Variants in SH3GL3 observed in about 807,000 individuals in gnomAD.
SH3GL3 encodes SH3 domain containing GRB2 like 3, endophilin A3.
Under a neutral mutation model 47.7 loss-of-function variants are expected in SH3GL3, and 33 were observed. That is an observed-to-expected ratio of 0.69 (90% CI 0.52 to 0.92). The LOEUF (loss-of-function observed/expected upper bound fraction) is 0.92, where lower values mean the gene tolerates loss of function less well. SH3GL3 is among the 40% of genes least tolerant of loss of function. The pLI, the probability that SH3GL3 is intolerant of heterozygous loss-of-function variation, is 0.00. For missense variants in SH3GL3, 363 were observed against 417.8 expected (o/e 0.87, Z 1.14); for synonymous variants, 155 against 148.8 (o/e 1.04, Z -0.30).
intron 1 of SH3GL3, among the ~76,000 whole-genome samples, chr15:83,449,021 T>A (rs576028601): frequency 2.0e-5 from 3 of 152,178 alleles, no homozygotes; most frequent in Non-Finnish European, 4.4e-5. Context: ...GTGAGGCTGG[T>A]ACTGGAGCTA....
Position 83,572,463 on chromosome 15 carries a change from C to A in SH3GL3, c.332-102C>A. 4.1e-6 allele frequency: 4 copies of A among 979,162 alleles called. No homozygotes were observed. The South Asian group carries it at 6.7e-5, about 16-fold the overall frequency. The allele number at this position is 979,162 out of a possible 1,614,324, so 60.7% of individuals were successfully genotyped here. A position where few individuals can be genotyped will look rare whatever the true frequency, so the allele number is the denominator to read the frequency against. On this transcript the variant is annotated intron_variant, in intron 4 of 8. Coordinates refer to ENST00000427482, the MANE Select transcript of SH3GL3 (RefSeq NM_003027.5). ...AGGTCCCGGAGCAAGGACCTTGCTA[C>A]ACCATCATCCACACACTTTTGGTAA... is the stretch of plus-strand genomic sequence containing the variant.
intron 1 of SH3GL3, among the ~76,000 whole-genome samples, chr15:83,502,250 A>G (rs1272080055): frequency 6.6e-6 from 1 of 152,238 alleles, no homozygotes; most frequent in East Asian, 1.9e-4. Flanking sequence ...GCGGATCAGC[A>G]TCCCAGAGCC....
Position 83,526,217 on chromosome 15 carries a change from G to A in SH3GL3, c.46-33036G>A, listed in dbSNP as rs55921752. Reference sequence around the variant, plus strand: ...GGAGAAAAAGGAACACTTATATACTGTTGGTGGAATTAGTTCAATCATTGT... The same window carrying A: ...GGAGAAAAAGGAACACTTATATACTATTGGTGGAATTAGTTCAATCATTGT... On this transcript the variant is annotated intron_variant, in intron 1 of 8. Coordinates refer to ENST00000427482, the MANE Select transcript of SH3GL3 (RefSeq NM_003027.5). 3.3e-3 allele frequency among the ~76,000 whole-genome samples: 496 copies of A among 152,296 alleles called. 5 individuals carry two copies. The highest frequency in any genetic ancestry group is 0.011 in the African/African-American group (476 of 41,562).
At chr15:83,503,835 G>A (rs2042383738) in intron 1 of SH3GL3, among the ~76,000 whole-genome samples, 2 of 152,216 alleles carry the variant, frequency 1.3e-5, no homozygotes, top group Admixed American at 6.5e-5. Flanking sequence ...GCATCGCCAA[G>A]TTATGTTCCA....
At chr15:83,546,974 G>T (rs1391263614) in intron 1 of SH3GL3, among the ~76,000 whole-genome samples, 2 of 152,120 alleles carry the variant, frequency 1.3e-5, no homozygotes, top group African/African-American at 2.4e-5. Flanking sequence ...ACTGTGAGCC[G>T]CATTGCCTGG....
intron 1 of SH3GL3, among the ~76,000 whole-genome samples, chr15:83,497,710 C>T (rs796958861): frequency 1.3e-5 from 2 of 152,302 alleles, no homozygotes; most frequent in African/African-American, 4.8e-5. Flanking sequence ...TTCCTGATCA[C>T]GTATCACTGT....
At chr15:83,591,145 C>T (rs988496857) in intron 8 of SH3GL3, among the ~76,000 whole-genome samples, 7 of 152,014 alleles carry the variant, frequency 4.6e-5, no homozygotes, top group Non-Finnish European at 8.8e-5. Flanking sequence ...GTAGCTGGGA[C>T]TACAGACACA....
chr15:83,466,413 A>AATATATATATATATATAT (rs58728071), intron 1 of SH3GL3, among the ~76,000 whole-genome samples: 2 of 149,630 alleles, frequency 1.3e-5, no homozygotes, highest in African/African-American at 4.9e-5. Flanking sequence ...CAATTGTTAG[A>AATATATATATATATATAT]ATATATATAT....
At position 83,612,368 on chromosome 15, in the gene SH3GL3, G is replaced by GT. The variant is rs528980761; in HGVS notation, c.839-5713dup. Among the ~76,000 whole-genome samples the GT allele has an allele frequency of 5.8e-3, 877 of 152,348 alleles. 5 individuals are homozygous for GT. The highest frequency in any genetic ancestry group is 0.02 in the African/African-American group (840 of 41,572). ...TGGGCCAGGATCTGTGCTGACATCTGTGGCTTAGGCCTCCCTCTCTGGGTT... is the reference window on the plus strand; with the variant it reads ...TGGGCCAGGATCTGTGCTGACATCTGTTGGCTTAGGCCTCCCTCTCTGGGTT... On this transcript the variant is annotated intron_variant, in intron 8 of 8. Coordinates refer to ENST00000427482, the MANE Select transcript of SH3GL3 (RefSeq NM_003027.5).
At position 83,618,153 on chromosome 15, in the gene SH3GL3, T is replaced by G. The variant is rs780546979; in HGVS notation, c.910T>G (p.Leu304Val). 1.2e-6 allele frequency: 2 copies of G among 1,613,298 alleles called. No individual in the cohort carries two copies. The highest frequency in any genetic ancestry group is 1.7e-6 in the Non-Finnish European group (2 of 1,179,254). Residue 304 changes from leucine (L) to valine (V), a missense_variant, in exon 9 of 9, where the codon TTA (leucine) becomes GTA (valine). Transcript: ENST00000427482. ...CTTTGAGCCAGAAAACCAAGGAGAATTAGGATTTAAAGAAGGGGACATCAT... is the reference window on the plus strand; with the variant it reads ...CTTTGAGCCAGAAAACCAAGGAGAAGTAGGATTTAAAGAAGGGGACATCAT... Reference protein sequence around the residue: ...YDFEPENQGELGFKEGDIITL... With the variant: ...YDFEPENQGEVGFKEGDIITL...
intron 1 of SH3GL3, among the ~76,000 whole-genome samples, chr15:83,554,210 G>A (rs1355450662): frequency 2.6e-5 from 4 of 151,012 alleles, no homozygotes; most frequent in Admixed American, 6.6e-5. Flanking sequence ...TTTTTGAGAC[G>A]GAATTTCACT....
intron 1 of SH3GL3, among the ~76,000 whole-genome samples, chr15:83,471,211 T>G (rs1413092756): frequency 6.6e-6 from 1 of 152,240 alleles, no homozygotes; most frequent in African/African-American, 2.4e-5. Flanking sequence ...TTCCTTCATC[T>G]GAGGATATCT....
chr15:83,490,973 C>T, intron 1 of SH3GL3: 6 of 1,607,932 alleles, frequency 3.7e-6, no homozygotes, highest in East Asian at 4.5e-5. Flanking sequence ...CCATTCTCAT[C>T]AGCACAGAAG....
intron 1 of SH3GL3, among the ~76,000 whole-genome samples, chr15:83,463,600 G>A (rs907458412): frequency 2.0e-5 from 3 of 151,952 alleles, no homozygotes; most frequent in African/African-American, 7.3e-5. Context: ...TTTCTCTGAT[G>A]TCTTTTTTAG....
intron 1 of SH3GL3, among the ~76,000 whole-genome samples, chr15:83,465,085 G>A (rs1469624480): frequency 1.1e-4 from 16 of 151,306 alleles, no homozygotes; most frequent in Admixed American, 6.6e-4. Context: ...CAAGGAGGGC[G>A]AATCACCTGA....
chr15:83,461,741 C>T (rs919809516), intron 1 of SH3GL3, among the ~76,000 whole-genome samples: 4 of 152,070 alleles, frequency 2.6e-5, no homozygotes, highest in South Asian at 2.1e-4. Context: ...GTAGGTACTT[C>T]GGATACAATC....
At chr15:83,627,860 G>T in the SH3GL3 span, among the ~76,000 whole-genome samples, 1 of 152,142 alleles carries the variant, frequency 6.6e-6, no homozygotes, top group African/African-American at 2.4e-5. Flanking sequence ...ACAAACTGAG[G>T]CATAAAACAA....
chr15:83,509,253 C>A (rs1263017367), intron 1 of SH3GL3, among the ~76,000 whole-genome samples: 1 of 152,136 alleles, frequency 6.6e-6, no homozygotes, highest in Non-Finnish European at 1.5e-5. Flanking sequence ...GCAGGCATGC[C>A]CTGCCTCATC....
In SH3GL3 at chr15:83,461,008, G is replaced by A. The variant is rs374732847; in HGVS notation, c.45+13430G>A. On this transcript the variant is annotated intron_variant, in intron 1 of 8. Coordinates refer to ENST00000427482, the MANE Select transcript of SH3GL3 (RefSeq NM_003027.5). ...TGAGGCAGGAGAATGGTGTGAACCC[G>A]GGAGGCGGAGCTTGTAGTGAGCCGA... 3.5e-4 allele frequency among the ~76,000 whole-genome samples: 53 copies of A among 152,032 alleles called. No individual in the cohort carries two copies. In the South Asian group the frequency reaches 0.01, roughly 29 times the overall value.
Sources: gnomAD v4.1 joint callset for allele counts (sites outside exome capture counted in the v4.1 genomes callset) on GRCh38, gnomAD v4.1.1 for gene constraint, MANE v1.5 for transcripts, NCBI Gene and HGNC (gene_info 2026-07-23, HGNC 2026-07-21) for gene names.